Variants in SGCD observed in about 807,000 individuals in gnomAD.
SGCD encodes delta-sarcoglycan.
Under a neutral mutation model 36.6 loss-of-function variants are expected in SGCD, and 18 were observed. The observed-to-expected ratio is 0.49, with a 90% CI of 0.34 to 0.73. The LOEUF (loss-of-function observed/expected upper bound fraction) is 0.73, where lower values mean the gene tolerates loss of function less well. Among genes scored for constraint, SGCD ranks in the 30% least tolerant of loss-of-function variants. The pLI is 0.01. For synonymous variants in SGCD, 133 were observed against 130.6 expected, an observed-to-expected ratio of 1.02 and a Z score of -0.12; for missense variants, 387 against 346.7, an observed-to-expected ratio of 1.12 and a Z score of -0.92.
At chr5:156,280,034 C>A (rs1467106641) in intron 3 of SGCD, among the ~76,000 whole-genome samples, 1 of 151,870 alleles carries the variant, frequency 6.6e-6, no homozygotes, top group Non-Finnish European at 1.5e-5. Flanking sequence ...TTTTTCTTGT[C>A]TCCCTCATTT....
At chr5:155,804,509 G>A in the SGCD span, among the ~76,000 whole-genome samples, 1 of 152,134 alleles carries the variant, frequency 6.6e-6, no homozygotes, top group Non-Finnish European at 1.5e-5. Flanking sequence ...TGTATCCACT[G>A]TGTGCCTTTC....
At chr5:155,799,868 G>T in the SGCD span, among the ~76,000 whole-genome samples, 1 of 137,246 alleles carries the variant, frequency 7.3e-6, no homozygotes, top group Non-Finnish European at 1.5e-5. Context: ...ACCCAGGCTG[G>T]AGTGCACTGG....
chr5:156,152,267 T>C (rs538937208), intron 3 of SGCD, among the ~76,000 whole-genome samples: 1 of 151,838 alleles, frequency 6.6e-6, no homozygotes, highest in African/African-American at 2.4e-5. Context: ...TGAAAACTCC[T>C]TTATGTGTCT....
the SGCD span, among the ~76,000 whole-genome samples, chr5:155,808,953 T>C: frequency 1.3e-5 from 2 of 152,240 alleles, no homozygotes; most frequent in African/African-American, 2.4e-5. Flanking sequence ...CTTCTTTATA[T>C]AGTAGATTAT....
intron 4 of SGCD, among the ~76,000 whole-genome samples, chr5:156,585,351 G>A (rs758428395): frequency 2.0e-5 from 3 of 152,162 alleles, no homozygotes; most frequent in Non-Finnish European, 4.4e-5. Context: ...ACAACTTAAA[G>A]CATCCTATTG....
At chr5:156,256,999 C>T (rs575753082) in intron 3 of SGCD, among the ~76,000 whole-genome samples, 1 of 151,976 alleles carries the variant, frequency 6.6e-6, no homozygotes, top group East Asian at 1.9e-4. Flanking sequence ...GGCAACATAA[C>T]GAGACCCCCA....
At chr5:156,690,146 C>T (rs891795649) in intron 7 of SGCD, among the ~76,000 whole-genome samples, 4 of 152,152 alleles carry the variant, frequency 2.6e-5, no homozygotes, top group African/African-American at 9.7e-5. Flanking sequence ...ATTGTACACC[C>T]TTAGAAGGTA....
intron 4 of SGCD, among the ~76,000 whole-genome samples, chr5:156,539,011 T>C (rs976496881): frequency 2.0e-5 from 3 of 152,074 alleles, no homozygotes; most frequent in African/African-American, 7.2e-5. Context: ...AATAATATTT[T>C]GGGCATTTTG....
At chr5:156,724,165 G>A (rs1469264396) in intron 7 of SGCD, among the ~76,000 whole-genome samples, 1 of 152,188 alleles carries the variant, frequency 6.6e-6, no homozygotes, top group Admixed American at 6.5e-5. Flanking sequence ...GGCCTGTCAT[G>A]TGCACAGTTC....
chr5:156,143,461 A>G (rs1762623875), intron 3 of SGCD, among the ~76,000 whole-genome samples: 1 of 152,158 alleles, frequency 6.6e-6, no homozygotes, highest in Non-Finnish European at 1.5e-5. Flanking sequence ...TCCAGCCCCC[A>G]GAATGGTTGA....
At chr5:156,269,707 T>C (rs957274858) in intron 3 of SGCD, among the ~76,000 whole-genome samples, 3 of 152,044 alleles carry the variant, frequency 2.0e-5, no homozygotes, top group South Asian at 4.1e-4. Flanking sequence ...CACTTTTAAA[T>C]GGGATTGTTT....
chr5:156,743,215 G>T (rs1239309913), intron 7 of SGCD, among the ~76,000 whole-genome samples: 1 of 150,138 alleles, frequency 6.7e-6, no homozygotes, highest in Non-Finnish European at 1.5e-5. Flanking sequence ...GGGTTCAAGC[G>T]ATTCTCCTGC....
intron 3 of SGCD, among the ~76,000 whole-genome samples, chr5:156,372,320 T>C (rs1384318471): frequency 6.6e-6 from 1 of 152,214 alleles, no homozygotes; most frequent in Non-Finnish European, 1.5e-5. Context: ...CTTGCATATT[T>C]TACTTTGGTG....
At chr5:155,808,698 T>C in the SGCD span, among the ~76,000 whole-genome samples, 1 of 152,248 alleles carries the variant, frequency 6.6e-6, no homozygotes, top group Non-Finnish European at 1.5e-5. Flanking sequence ...ATTATTATTC[T>C]GGCTTTAGTA....
intron 3 of SGCD, among the ~76,000 whole-genome samples, chr5:156,353,837 G>C (rs1310835553): frequency 6.6e-6 from 1 of 152,166 alleles, no homozygotes; most frequent in Admixed American, 6.5e-5. Flanking sequence ...GTCAGTCCTA[G>C]GATATGGCTC....
At position 155,932,083 on chromosome 5, in the gene SGCD, C is replaced by A. The variant is rs181722532; in HGVS notation, c.-282+61659C>A. ...CCCAAAGACCCCACTTCCTAATAACCCACCTTGGGGGTTAAGATTTCAACA... is the reference window on the plus strand; with the variant it reads ...CCCAAAGACCCCACTTCCTAATAACACACCTTGGGGGTTAAGATTTCAACA... On this transcript the variant is annotated intron_variant, in intron 1 of 9. Transcript: ENST00000517913. Among the ~76,000 whole-genome samples, 287 of 152,218 alleles carry A rather than the reference C, an allele frequency of 1.9e-3. 3 individuals carry two copies. Among genetic ancestry groups the A allele is most frequent in the African/African-American group, 6.6e-3 (275 of 41,516 alleles).
intron 1 of SGCD, among the ~76,000 whole-genome samples, chr5:156,000,742 G>A (rs924911683): frequency 6.6e-6 from 1 of 151,882 alleles, no homozygotes; most frequent in African/African-American, 2.4e-5. Flanking sequence ...TGAAACTTGA[G>A]GAGGAATCAA....
intron 3 of SGCD, among the ~76,000 whole-genome samples, chr5:156,485,017 C>CTT (rs887092015): frequency 6.8e-6 from 1 of 147,450 alleles, no homozygotes; most frequent in African/African-American, 2.5e-5. Context: ...TGGAAACAAA[C>CTT]TTTTTTTTTT....
At chr5:156,094,832 C>A (rs1761336907) in intron 1 of SGCD, among the ~76,000 whole-genome samples, 1 of 152,118 alleles carries the variant, frequency 6.6e-6, no homozygotes. Context: ...GAAACCCCAT[C>A]TCTACTAAAA....
Sources: gnomAD v4.1 joint callset for allele counts (sites outside exome capture counted in the v4.1 genomes callset) on GRCh38, gnomAD v4.1.1 for gene constraint, MANE v1.5 for transcripts, NCBI Gene and HGNC (gene_info 2026-07-23, HGNC 2026-07-21) for gene names.